GSG1L: variants seen among roughly 807,000 people sequenced by gnomAD.
GSG1L encodes GSG1 like.
A neutral mutation model predicts 42.1 loss-of-function variants in GSG1L; 24 were observed. The ratio of observed to expected loss-of-function variants is 0.57; its 90% confidence interval spans 0.41 to 0.80. The LOEUF is 0.80. GSG1L is among the 30% of genes least tolerant of loss of function. GSG1L has a pLI of 0.00. For missense variants in GSG1L, 445 were observed against 472.2 expected (o/e 0.94, Z 0.53); for synonymous variants, 215 against 203.5 (o/e 1.06, Z -0.48).
At chr16:27,989,738 T>TA (rs57397630) in intron 1 of GSG1L, among the ~76,000 whole-genome samples, 60,887 of 139,880 alleles carry the variant, frequency 0.44, 15,266 homozygotes, top group East Asian at 0.75. Flanking sequence ...AGACTCAGTC[T>TA]AAAAAAAAAA....
At chr16:27,946,643 G>GA (rs2084872701) in intron 2 of GSG1L, among the ~76,000 whole-genome samples, 1 of 11,042 alleles carries the variant, frequency 9.1e-5, no homozygotes, top group Admixed American at 1.1e-3. Context: ...AAGAAAGAAA[G>GA]AAAGAAAGAA....
chr16:27,801,119 A>G (rs1673912538), intron 6 of GSG1L, among the ~76,000 whole-genome samples: 1 of 152,146 alleles, frequency 6.6e-6, no homozygotes, highest in African/African-American at 2.4e-5. Flanking sequence ...GGGTCCTACC[A>G]AGGGAATGAG....
chr16:27,896,841 C>T (rs60645559), intron 2 of GSG1L, among the ~76,000 whole-genome samples: 35,069 of 152,202 alleles, frequency 0.23, 4,161 homozygotes, highest in South Asian at 0.27. Context: ...GAACACAGTC[C>T]GGCTGACACT....
chr16:27,975,077 G>A lies in GSG1L; in HGVS notation c.350-11874C>T, dbSNP rs112094559. Among the ~76,000 whole-genome samples, 849 of 152,144 alleles carry A rather than the reference G, an allele frequency of 5.6e-3. 8 individuals carry two copies. Among genetic ancestry groups the A allele is most frequent in the Non-Finnish European group, 7.6e-3 (519 of 68,012 alleles). ...ATCAGAACTTAAGCATCTCTGGGCC[G>A]GGACTTGAGAATCGGTCTTTCCAAC... On this transcript the variant is annotated intron_variant, in intron 1 of 6. Coordinates refer to ENST00000447459, the MANE Select transcript of GSG1L (RefSeq NM_001109763.2).
At chr16:27,881,238 CTTT>C (rs149874320) in intron 3 of GSG1L, among the ~76,000 whole-genome samples, 2 of 106,988 alleles carry the variant, frequency 1.9e-5, no homozygotes, top group African/African-American at 3.5e-5. Context: ...AAGTATCATA[CTTT>C]TTTTTTTTTT....
chr16:27,980,715 T>C (rs1367381515), intron 1 of GSG1L, among the ~76,000 whole-genome samples: 2 of 151,726 alleles, frequency 1.3e-5, no homozygotes, highest in African/African-American at 4.8e-5. Flanking sequence ...AAACCCTGAC[T>C]CTACTAAAAA....
chr16:28,014,162 G>A lies in GSG1L; in HGVS notation c.349+48914C>T, dbSNP rs148267250. ...ACAGGGACCTAGGAGTTTGGAGGAG[G>A]AAGTGGCCATTTTGTGCTGCAAGAA... On this transcript the variant is annotated intron_variant, in intron 1 of 6. Coordinates refer to ENST00000447459, the MANE Select transcript of GSG1L (RefSeq NM_001109763.2). Among the ~76,000 whole-genome samples, 66 of 152,372 alleles carry A rather than the reference G, an allele frequency of 4.3e-4. No individual in the cohort carries two copies. In the East Asian group the frequency reaches 6.9e-3, roughly 16 times the overall value.
intron 2 of GSG1L, among the ~76,000 whole-genome samples, chr16:27,904,773 ACTTTCCT>A (rs1280495565): frequency 6.6e-6 from 1 of 152,048 alleles, no homozygotes; most frequent in Non-Finnish European, 1.5e-5. Context: ...GACATCTCTC[ACTTTCCT>A]CCTTAAGGAA....
At chr16:28,054,966 G>C (rs1368742553) in intron 1 of GSG1L, among the ~76,000 whole-genome samples, 2 of 152,052 alleles carry the variant, frequency 1.3e-5, no homozygotes, top group African/African-American at 4.8e-5. Context: ...ACTACACAGC[G>C]GTTGCCCAGC....
At chr16:27,943,215 C>G (rs986372715) in intron 2 of GSG1L, among the ~76,000 whole-genome samples, 14 of 151,988 alleles carry the variant, frequency 9.2e-5, no homozygotes, top group African/African-American at 3.4e-4. Flanking sequence ...TCACTGCACC[C>G]AGCCAAAATT....
In GSG1L at chr16:28,022,617, G is replaced by A. The variant is rs538071130; in HGVS notation, c.349+40459C>T. Among the ~76,000 whole-genome samples the A allele has an allele frequency of 5.3e-5, 8 of 152,106 alleles. No individual in the cohort carries two copies. The South Asian group carries it at 8.3e-4, about 16-fold the overall frequency. ...AGCCTCCCAAGCTGGGAATACAGGC[G>A]TGCACCACCACGCCCAGCTAATTTT... On this transcript the variant is annotated intron_variant, in intron 1 of 6. Coordinates refer to ENST00000447459, the MANE Select transcript of GSG1L (RefSeq NM_001109763.2).
intron 2 of GSG1L, among the ~76,000 whole-genome samples, chr16:27,952,154 A>C (rs1191901971): frequency 6.6e-6 from 1 of 152,212 alleles, no homozygotes; most frequent in African/African-American, 2.4e-5. Context: ...GCCACCCACT[A>C]TCTATAACCT....
At chr16:28,060,169 GT>G (rs2086324583) in intron 1 of GSG1L, among the ~76,000 whole-genome samples, 1 of 151,826 alleles carries the variant, frequency 6.6e-6, no homozygotes, top group Admixed American at 6.6e-5. Flanking sequence ...ATGTATAGGG[GT>G]GGGGGAGGCG....
intron 1 of GSG1L, among the ~76,000 whole-genome samples, chr16:28,010,856 G>A (rs1191715386): frequency 1.6e-4 from 25 of 152,068 alleles, no homozygotes; most frequent in African/African-American, 9.7e-5. Context: ...AAATGCAGCC[G>A]CCCGCAACTG....
intron 1 of GSG1L, among the ~76,000 whole-genome samples, chr16:28,035,782 A>G (rs1451171654): frequency 2.0e-5 from 3 of 152,156 alleles, no homozygotes; most frequent in Admixed American, 1.3e-4. Context: ...CTACCACCCC[A>G]GGGAGAGTGA....
intron 2 of GSG1L, among the ~76,000 whole-genome samples, chr16:27,907,618 G>C (rs1420742796): frequency 6.6e-6 from 1 of 152,192 alleles, no homozygotes; most frequent in Non-Finnish European, 1.5e-5. Flanking sequence ...GTTTTAATTG[G>C]GGAGCTGCTC....
chr16:27,892,987 G>T (rs904499756), intron 2 of GSG1L, among the ~76,000 whole-genome samples: 10 of 152,166 alleles, frequency 6.6e-5, no homozygotes, highest in Non-Finnish European at 1.2e-4. Context: ...CGGAAGGACA[G>T]GAAGTCAGAA....
At chr16:27,823,304 T>A (rs2140960140) in intron 5 of GSG1L, among the ~76,000 whole-genome samples, 1 of 152,272 alleles carries the variant, frequency 6.6e-6, no homozygotes, top group Non-Finnish European at 1.5e-5. Context: ...TCCTTCCACA[T>A]GACCATGTGC....
chr16:27,961,384 C>T (rs960143152), intron 2 of GSG1L, among the ~76,000 whole-genome samples: 2 of 152,054 alleles, frequency 1.3e-5, no homozygotes, highest in African/African-American at 2.4e-5. Flanking sequence ...GATGCACATC[C>T]CAGAGGACTG....
Sources: allele counts gnomAD v4.1 joint callset (sites outside exome capture counted in the v4.1 genomes callset), GRCh38; gene constraint gnomAD v4.1.1; transcripts MANE v1.5; gene names NCBI Gene and HGNC (gene_info 2026-07-23, HGNC 2026-07-21).